The following ENOSF1 variants were observed in gnomAD, a reference collection of about 807,000 sequenced individuals.
ENOSF1 encodes mitochondrial enolase superfamily member 1.
A neutral mutation model predicts 68.2 loss-of-function variants in ENOSF1; 73 were observed. The ratio of observed to expected loss-of-function variants is 1.07; its 90% CI spans 0.89 to 1.30. The LOEUF (loss-of-function observed/expected upper bound fraction) is 1.30, where lower values mean the gene tolerates loss of function less well. ENOSF1 is among the 50% of genes most tolerant of loss of function. The probability of loss-of-function intolerance (pLI) is 0.00; values close to 1 mark genes in which losing one functional copy is unlikely to be tolerated. For synonymous variants in ENOSF1, 223 were observed against 210.4 expected (o/e 1.06, Z -0.52); for missense variants, 589 against 554.5 (o/e 1.06, Z -0.62).
chr18:695,611 T>C (rs1807266074), intron 3 of ENOSF1, among the ~76,000 whole-genome samples: 1 of 152,168 alleles, frequency 6.6e-6, no homozygotes, highest in African/African-American at 2.4e-5. Flanking sequence ...ATTTTATTAT[T>C]TTTATTTTTA....
chr18:704,074 C>G (rs754867902), intron 2 of ENOSF1, among the ~76,000 whole-genome samples: 7 of 152,138 alleles, frequency 4.6e-5, no homozygotes, highest in Non-Finnish European at 8.8e-5. Context: ...CCTGCAGAAC[C>G]ATGAGGCAAT....
intron 7 of ENOSF1, 84 bp from the exon 8 acceptor site, chr18:690,715 T>C (rs2077058295): frequency 6.3e-7 from 1 of 1,584,742 alleles, no homozygotes; most frequent in Middle Eastern, 2.0e-4. Context: ...CTGTTTCCCC[T>C]GGAGAGTCCA....
chr18:687,107 A>T (rs2076684057), intron 9 of ENOSF1: 1 of 152,162 alleles, frequency 6.6e-6, no homozygotes, highest in Non-Finnish European at 1.5e-5. Flanking sequence ...TCCTTCTGAG[A>T]TATGGCAACT....
intron 9 of ENOSF1, chr18:686,565 G>A (rs1409692561): frequency 6.5e-6 from 1 of 153,224 alleles, no homozygotes; most frequent in East Asian, 1.9e-4. Flanking sequence ...CCGTGCAGAG[G>A]TCTCCTTTAC....
chr18:678,567 G>T, intron 12 of ENOSF1, 129 bp downstream of exon 12: 1 of 899,332 alleles, frequency 1.1e-6, no homozygotes, highest in South Asian at 1.5e-5. Flanking sequence ...CAGTTTCTAA[G>T]ATGATGAAAA....
Position 706,554 on chromosome 18 carries a change from C to A in ENOSF1, c.109G>T (p.Ala37Ser). ...AMHTDPDYSA[A>S]YVVIETDAED... ...GCATCAGTTTCTATGACGACATAGG[C>A]AGCCGAGTAGTCAGGGTCCGTGTGC... Residue 37 changes from alanine to serine, a missense_variant, in exon 2 of 16, where the codon GCC becomes TCC. Ala to Ser is a moderately conservative substitution (Grantham distance 99). Transcript: ENST00000647584. 1.2e-6 allele frequency: 2 copies of A among 1,613,790 alleles called. No individual in the cohort carries two copies. Among genetic ancestry groups the A allele is most frequent in the Non-Finnish European group, 1.7e-6 (2 of 1,179,852 alleles).
intron 3 of ENOSF1, among the ~76,000 whole-genome samples, chr18:697,003 G>C (rs1252099046): frequency 6.6e-6 from 1 of 152,072 alleles, no homozygotes; most frequent in African/African-American, 2.4e-5. Context: ...TGTAGTCCCA[G>C]CTACTCAGGA....
At chr18:664,425 A>G in the ENOSF1 span, among the ~76,000 whole-genome samples, 15 of 145,198 alleles carry the variant, frequency 1.0e-4, no homozygotes, top group South Asian at 2.3e-4. Context: ...GGGCTGAGAC[A>G]ATGGGGTTTT....
chr18:675,412 G>C lies in ENOSF1; in HGVS notation c.1149-10C>G, dbSNP rs1357756051. The C allele has an allele frequency of 6.2e-7, 1 of 1,610,586 alleles. No individual in the cohort carries two copies. Among genetic ancestry groups the C allele is most frequent in the Non-Finnish European group, 8.5e-7 (1 of 1,178,360 alleles). ...AACATACTCACACACCCTAGGAGGA[G>C]GGAATCAGATCGGGGCAATGATGCC... On this transcript the variant is annotated splice_polypyrimidine_tract_variant and intron_variant, in intron 14 of 15. Coordinates refer to ENST00000647584, the MANE Select transcript of ENOSF1 (RefSeq NM_017512.7).
Position 684,063 on chromosome 18 carries a change from G to A in ENOSF1, c.742-683C>T, listed in dbSNP as rs765894950. 6.6e-4 allele frequency among the ~76,000 whole-genome samples: 99 copies of A among 151,062 alleles called. 1 individual carries two copies. Among genetic ancestry groups the A allele is most frequent in the Admixed American group, 8.6e-4 (13 of 15,136 alleles). ...GGCTGGAGTGCAGTGGCGCTATCTC[G>A]GCTCACTGCAACCTCTGCCTCCCAG... On this transcript the variant is annotated intron_variant, in intron 10 of 15. Coordinates refer to ENST00000647584, the MANE Select transcript of ENOSF1 (RefSeq NM_017512.7).
At chr18:664,571 A>G in the ENOSF1 span, among the ~76,000 whole-genome samples, 1 of 134,244 alleles carries the variant, frequency 7.4e-6, no homozygotes, top group African/African-American at 3.1e-5. Flanking sequence ...AGGAGTGGTG[A>G]GAGAGGGCAT....
chr18:686,111 T>A, intron 9 of ENOSF1, 103 bp from the exon 10 acceptor site: 1 of 824,350 alleles, frequency 1.2e-6, no homozygotes, highest in Non-Finnish European at 2.1e-6. Context: ...AATTCACAGA[T>A]ATGTTTTTTA....
At chr18:711,667 A>G (rs891867928) in intron 1 of ENOSF1, among the ~76,000 whole-genome samples, 2 of 152,208 alleles carry the variant, frequency 1.3e-5, no homozygotes, top group East Asian at 1.9e-4. Flanking sequence ...AAGGCCTGAC[A>G]TTCTAACACC....
intron 2 of ENOSF1, among the ~76,000 whole-genome samples, chr18:701,226 A>C (rs1050453948): frequency 1.3e-5 from 2 of 152,196 alleles, no homozygotes; most frequent in South Asian, 2.1e-4. Context: ...TACATTGTAC[A>C]TATTATTATA....
intron 2 of ENOSF1, among the ~76,000 whole-genome samples, chr18:699,306 AC>A (rs771838097): frequency 1.3e-5 from 2 of 152,066 alleles, no homozygotes; most frequent in African/African-American, 4.8e-5. Context: ...TACAAAAAAT[AC>A]AAAAATTAGC....
chr18:691,008 G>T, intron 7 of ENOSF1, 60 bp downstream of exon 7: 1 of 1,566,108 alleles, frequency 6.4e-7, no homozygotes, highest in Non-Finnish European at 8.8e-7. Context: ...AAAAGGACAG[G>T]GGCACTCAAA....
Position 694,262 on chromosome 18 carries a change from T to C in ENOSF1, c.382A>G (p.Lys128Glu). ...AGAGGGGTTACCTTTCCCTCCTGCT[T>C]GGCCCACAAGTCCCACACCGCGTTT... is the stretch of plus-strand genomic sequence containing the variant. ...VLNAVWDLWA[K>E]QEGKPVWKLL... The change falls in exon 4 of 16, where the codon AAG becomes GAG. Residue 128 changes from lysine to glutamate, a missense_variant. By Grantham distance (56) the Lys-to-Glu change is moderately conservative. Coordinates refer to ENST00000647584, the MANE Select transcript of ENOSF1 (RefSeq NM_017512.7). 1 of 1,614,190 alleles carries C rather than the reference T, an allele frequency of 6.2e-7. No individual in the cohort carries two copies. The highest frequency in any genetic ancestry group is 1.7e-5 in the Admixed American group (1 of 60,016).
At chr18:701,212 A>G (rs917941975) in intron 2 of ENOSF1, among the ~76,000 whole-genome samples, 2 of 152,164 alleles carry the variant, frequency 1.3e-5, no homozygotes, top group Non-Finnish European at 2.9e-5. Context: ...AAACTAACTT[A>G]GTCTACATTG....
In ENOSF1 at chr18:671,033, A is replaced by G; in HGVS notation, c.*3272T>C. 1 of 826,982 alleles carries G rather than the reference A, an allele frequency of 1.2e-6. No individual in the cohort carries two copies. The highest frequency in any genetic ancestry group is 1.8e-6 in the Non-Finnish European group (1 of 543,046). The allele number at this position is 826,982 out of a possible 1,614,324, so 51.2% of individuals were successfully genotyped here. ...TTACTTTGAAACCTTCCTCTTCTGG[A>G]AGGTTTTCTGGCCCTGTGGTATACG... On this transcript the variant is annotated 3_prime_UTR_variant, in exon 16 of 16. Coordinates refer to ENST00000647584, the MANE Select transcript of ENOSF1 (RefSeq NM_017512.7).
Sources: gnomAD v4.1 joint callset for allele counts (sites outside exome capture counted in the v4.1 genomes callset) on GRCh38, gnomAD v4.1.1 for gene constraint, MANE v1.5 for transcripts, NCBI Gene and HGNC (gene_info 2026-07-23, HGNC 2026-07-21) for gene names.